The following MYO16 variants were observed in gnomAD, a reference collection of about 807,000 sequenced individuals.
The protein encoded by MYO16 is unconventional myosin-XVI.
In MYO16, 94 loss-of-function variants were observed where a neutral mutation model predicts 205.3. The ratio of observed to expected loss-of-function variants is 0.46; its 90% confidence interval spans 0.39 to 0.54. The LOEUF (loss-of-function observed/expected upper bound fraction) is 0.54. MYO16 is among the 20% of genes least tolerant of loss of function. MYO16 has a pLI of 0.00. For synonymous variants in MYO16, 988 were observed against 954.0 expected (o/e 1.04, Z -0.66); for missense variants, 2,315 against 2,387.5 (o/e 0.97, Z 0.63).
intron 9 of MYO16, among the ~76,000 whole-genome samples, chr13:108,833,449 A>G (rs981254772): frequency 3.9e-5 from 6 of 152,192 alleles, no homozygotes; most frequent in Admixed American, 2.0e-4. Context: ...TTGTAGGAGT[A>G]ACGTTGAGAA....
intron 1 of MYO16, among the ~76,000 whole-genome samples, chr13:108,654,378 G>T (rs2139408637): frequency 6.6e-6 from 1 of 152,278 alleles, no homozygotes; most frequent in East Asian, 1.9e-4. Context: ...TTGCATTTCT[G>T]CATCTTCCTC....
At chr13:108,862,661 C>A (rs1262195003) in intron 11 of MYO16, among the ~76,000 whole-genome samples, 1 of 152,086 alleles carries the variant, frequency 6.6e-6, no homozygotes, top group Admixed American at 6.6e-5. Context: ...AATAGAAAGT[C>A]CCCTAAGTTT....
chr13:109,049,875 C>A (rs1300754894), intron 24 of MYO16, among the ~76,000 whole-genome samples: 1 of 151,158 alleles, frequency 6.6e-6, no homozygotes, highest in Admixed American at 6.6e-5. Context: ...CTCTTGCTAT[C>A]TTTCTTTCTA....
intron 9 of MYO16, among the ~76,000 whole-genome samples, chr13:108,841,633 A>G (rs1877249156): frequency 6.6e-6 from 1 of 152,198 alleles, no homozygotes; most frequent in Non-Finnish European, 1.5e-5. Flanking sequence ...TATCTGATAA[A>G]TGAGTTGGAT....
the MYO16 span, among the ~76,000 whole-genome samples, chr13:108,538,185 C>A: frequency 6.6e-6 from 1 of 151,804 alleles, no homozygotes; most frequent in Non-Finnish European, 1.5e-5. Context: ...ATAATTTAAT[C>A]CATGAAAGTA....
chr13:108,767,640 G>T (rs1047680249), intron 4 of MYO16, among the ~76,000 whole-genome samples: 14 of 151,954 alleles, frequency 9.2e-5, no homozygotes, highest in Non-Finnish European at 1.8e-4. Context: ...TGCCAGTTTT[G>T]TTAAATACAT....
intron 12 of MYO16, among the ~76,000 whole-genome samples, chr13:108,881,773 C>A (rs995216278): frequency 2.0e-5 from 3 of 152,140 alleles, no homozygotes; most frequent in African/African-American, 7.2e-5. Context: ...ATGAACAAAG[C>A]CTCCAAGAAA....
chr13:108,631,975 G>A (rs1880001309), intron 1 of MYO16, among the ~76,000 whole-genome samples: 1 of 151,550 alleles, frequency 6.6e-6, no homozygotes, highest in Non-Finnish European at 1.5e-5. Context: ...CTACTTGGGA[G>A]GTTGAGGCAG....
intron 21 of MYO16, among the ~76,000 whole-genome samples, chr13:109,001,696 G>T (rs1416833878): frequency 1.3e-5 from 2 of 152,134 alleles, no homozygotes; most frequent in Non-Finnish European, 2.9e-5. Context: ...GAGCAGTCTG[G>T]TGAGCCCCAA....
At chr13:108,633,365 C>CA (rs1254939634) in intron 1 of MYO16, among the ~76,000 whole-genome samples, 1 of 152,190 alleles carries the variant, frequency 6.6e-6, no homozygotes, top group Non-Finnish European at 1.5e-5. Context: ...GCTGACAGTG[C>CA]AGCCTTTAGT....
the MYO16 span, among the ~76,000 whole-genome samples, chr13:108,586,254 A>C: frequency 6.6e-6 from 1 of 152,210 alleles, no homozygotes. Flanking sequence ...TAGCTGAATT[A>C]ATATTAACAA....
At chr13:108,578,678 C>T in the MYO16 span, among the ~76,000 whole-genome samples, 3 of 152,140 alleles carry the variant, frequency 2.0e-5, no homozygotes, top group African/African-American at 4.8e-5. Context: ...CATCCTGGTG[C>T]CCATACATTT....
In MYO16 at chr13:108,883,103, G is replaced by A. The variant is rs372836451; in HGVS notation, c.1470G>A (p.Ser490=). 9.3e-6 allele frequency: 15 copies of A among 1,613,994 alleles called. No homozygotes were observed. Among genetic ancestry groups the A allele is most frequent in the East Asian group, 2.2e-5 (1 of 44,864 alleles). Residue 490 remains serine (S), a synonymous_variant, in exon 13 of 35, where the codon TCG becomes TCA. Coordinates refer to ENST00000457511, the MANE Select transcript of MYO16 (RefSeq NM_001198950.3). ...YFSSSGKLCS[S]LPPHLFSCVE... is the part of the protein sequence containing the mutation. ...GCTCCTCAGGGAAGCTGTGTTCCTC[G>A]CTGCCTCCTCACCTCTTCTCCTGTG...
At chr13:108,797,792 C>CT (rs1252439104) in intron 6 of MYO16, among the ~76,000 whole-genome samples, 1 of 152,150 alleles carries the variant, frequency 6.6e-6, no homozygotes, top group Admixed American at 6.5e-5. Flanking sequence ...CTTCATAGTT[C>CT]TTTAAAAAAA....
chr13:108,911,314 T>G (rs1328453431), intron 16 of MYO16, among the ~76,000 whole-genome samples: 3 of 152,048 alleles, frequency 2.0e-5, no homozygotes, highest in African/African-American at 7.2e-5. Context: ...TTGGTAATAG[T>G]TGAGGTGATA....
chr13:109,027,475 G>A (rs9514963), intron 23 of MYO16, among the ~76,000 whole-genome samples: 27,469 of 151,962 alleles, frequency 0.18, 2,789 homozygotes, highest in African/African-American at 0.26. Flanking sequence ...TCACCACATC[G>A]TGGGGTGACA....
intron 3 of MYO16, among the ~76,000 whole-genome samples, chr13:108,714,741 C>G (rs1883875773): frequency 1.3e-5 from 2 of 152,092 alleles, no homozygotes; most frequent in Non-Finnish European, 2.9e-5. Flanking sequence ...ATTTTTGTCC[C>G]TAACAAATAT....
At chr13:108,646,445 G>T (rs543603820) in intron 1 of MYO16, among the ~76,000 whole-genome samples, 2 of 152,184 alleles carry the variant, frequency 1.3e-5, no homozygotes, top group Non-Finnish European at 2.9e-5. Context: ...AAAAAAATCT[G>T]TTATGCATTA....
chr13:108,507,611 C>G, the MYO16 span, among the ~76,000 whole-genome samples: 214 of 152,198 alleles, frequency 1.4e-3, no homozygotes, highest in African/African-American at 5.1e-3. Flanking sequence ...TTGGATTTAT[C>G]AGAGTTGTAG....
Sources: gnomAD v4.1 joint callset for allele counts (sites outside exome capture counted in the v4.1 genomes callset) on GRCh38, gnomAD v4.1.1 for gene constraint, MANE v1.5 for transcripts, NCBI Gene and HGNC (gene_info 2026-07-23, HGNC 2026-07-21) for gene names.